The following TUSC3 variants were observed in gnomAD, a reference collection of about 807,000 sequenced individuals.
TUSC3 encodes tumor suppressor candidate 3.
A neutral mutation model predicts 44.8 loss-of-function variants in TUSC3; 45 were observed. That is an observed-to-expected ratio of 1.00 (90% CI 0.79 to 1.29). The LOEUF is 1.29. TUSC3 is among the 50% of genes most tolerant of loss of function. The pLI, the probability that TUSC3 is intolerant of heterozygous loss-of-function variation, is 0.00. For synonymous variants in TUSC3, 212 were observed against 152.9 expected (o/e 1.39, Z -2.85); for missense variants, 519 against 437.9 (o/e 1.19, Z -1.65).
chr8:15,451,125 A>C (rs1800193055), intron 1 of TUSC3, among the ~76,000 whole-genome samples: 1 of 152,222 alleles, frequency 6.6e-6, no homozygotes, highest in Admixed American at 6.5e-5. Flanking sequence ...GGGAAGCTAG[A>C]GGATCAAGTA....
At chr8:15,818,007 T>C in the TUSC3 span, among the ~76,000 whole-genome samples, 2 of 152,056 alleles carry the variant, frequency 1.3e-5, no homozygotes, top group African/African-American at 4.8e-5. Flanking sequence ...GAGACTGTGA[T>C]GAAGGAGAGA....
At chr8:15,675,442 T>G (rs1808142741) in intron 6 of TUSC3, among the ~76,000 whole-genome samples, 1 of 152,084 alleles carries the variant, frequency 6.6e-6, no homozygotes, top group Non-Finnish European at 1.5e-5. Flanking sequence ...CAGACTTTTT[T>G]TTTTCTTTGG....
rs148888410 is a variant in TUSC3 at position 15,588,727 on chromosome 8, G to A, written c.139-34353G>A. ...GTCATTATATTTTGAGTTAATTTTT[G>A]TATATGGTGAGAGACAGGGTCCAGT... On this transcript the variant is annotated intron_variant, in intron 1 of 10. Transcript: ENST00000503731. 3.6e-4 allele frequency among the ~76,000 whole-genome samples: 55 copies of A among 152,184 alleles called. 1 individual carries two copies. The highest frequency in any genetic ancestry group is 1.3e-3 in the African/African-American group (52 of 41,534).
chr8:15,628,566 G>A (rs550481674), intron 2 of TUSC3, among the ~76,000 whole-genome samples: 1 of 152,260 alleles, frequency 6.6e-6, no homozygotes, highest in South Asian at 2.1e-4. Context: ...AGTTAGAGAA[G>A]AAAGAACAGG....
At chr8:15,745,166 A>C (rs1007498433) in intron 8 of TUSC3, among the ~76,000 whole-genome samples, 1 of 151,148 alleles carries the variant, frequency 6.6e-6, no homozygotes, top group Non-Finnish European at 1.5e-5. Context: ...TACATACCAC[A>C]TTTTCTTTAT....
intron 6 of TUSC3, among the ~76,000 whole-genome samples, chr8:15,724,123 G>C (rs1019932284): frequency 6.6e-6 from 1 of 152,084 alleles, no homozygotes; most frequent in Non-Finnish European, 1.5e-5. Context: ...ACCTATCTCT[G>C]TCTGCTCACA....
intron 1 of TUSC3, among the ~76,000 whole-genome samples, chr8:15,426,531 A>C (rs954872684): frequency 2.0e-5 from 3 of 152,232 alleles, no homozygotes; most frequent in Admixed American, 2.0e-4. Context: ...TTCACTAAGC[A>C]TAATGTCCTC....
At position 15,668,412 on chromosome 8, in the gene TUSC3, T is replaced by C. The variant is rs57809698; in HGVS notation, c.709-5335T>C. Reference sequence around the variant, plus strand: ...CTATGTTTGTTCATGTTTATTCATTTGTTGACCATTCAACAAGAGTTTGAA... The same window carrying C: ...CTATGTTTGTTCATGTTTATTCATTCGTTGACCATTCAACAAGAGTTTGAA... On this transcript the variant is annotated intron_variant, in intron 5 of 10. Coordinates refer to ENST00000503731, the MANE Select transcript of TUSC3 (RefSeq NM_006765.4). Among the ~76,000 whole-genome samples the C allele has an allele frequency of 8.3e-3, 1,260 of 151,880 alleles. 14 individuals carry two copies. The highest frequency in any genetic ancestry group is 0.029 in the African/African-American group (1,183 of 41,500).
chr8:15,753,964 A>G (rs1027868775), intron 9 of TUSC3, among the ~76,000 whole-genome samples: 3 of 152,142 alleles, frequency 2.0e-5, no homozygotes, highest in Non-Finnish European at 2.9e-5. Context: ...AAGGTGAGAT[A>G]CTGATAAAGA....
At chr8:15,556,932 A>C (rs1478213751) in intron 1 of TUSC3, among the ~76,000 whole-genome samples, 2 of 148,992 alleles carry the variant, frequency 1.3e-5, no homozygotes, top group Non-Finnish European at 3.0e-5. Context: ...AGGTTGTGAA[A>C]ATTTTCTCCC....
intron 1 of TUSC3, among the ~76,000 whole-genome samples, chr8:15,606,659 A>C (rs895205474): frequency 3.3e-5 from 5 of 152,076 alleles, no homozygotes; most frequent in Admixed American, 6.6e-5. Context: ...CTGTAGGCAT[A>C]AATATTATAT....
chr8:15,831,769 A>G, the TUSC3 span, among the ~76,000 whole-genome samples: 1 of 152,168 alleles, frequency 6.6e-6, no homozygotes, highest in Non-Finnish European at 1.5e-5. Context: ...GGACAAACAA[A>G]ATCTACAAGA....
At chr8:15,459,879 C>CGTGTGT (rs1800321085) in intron 1 of TUSC3, among the ~76,000 whole-genome samples, 3 of 139,982 alleles carry the variant, frequency 2.1e-5, no homozygotes, top group African/African-American at 6.1e-5. Context: ...TGTGTGTATA[C>CGTGTGT]ATACATACAT....
At chr8:15,530,785 G>A (rs1326844255) in intron 2 of TUSC3, among the ~76,000 whole-genome samples, 1 of 152,100 alleles carries the variant, frequency 6.6e-6, no homozygotes, top group East Asian at 1.9e-4. Flanking sequence ...TATATGTATT[G>A]TTTTATTTCA....
intron 1 of TUSC3, among the ~76,000 whole-genome samples, chr8:15,548,143 A>G (rs1235407108): frequency 6.6e-6 from 1 of 151,450 alleles, no homozygotes; most frequent in Non-Finnish European, 1.5e-5. Flanking sequence ...GTTGCCCCCT[A>G]GTTTATGGTA....
At chr8:15,489,079 C>G (rs1196533880) in intron 2 of TUSC3, among the ~76,000 whole-genome samples, 1 of 152,122 alleles carries the variant, frequency 6.6e-6, no homozygotes, top group Non-Finnish European at 1.5e-5. Context: ...AGGGCAGAGT[C>G]TCAAGAGGTC....
At chr8:15,523,607 C>T (rs77927886) in intron 2 of TUSC3, among the ~76,000 whole-genome samples, 2 of 146,738 alleles carry the variant, frequency 1.4e-5, no homozygotes, top group African/African-American at 5.1e-5. Flanking sequence ...TATTTCACTT[C>T]CCAAATAATT....
intron 1 of TUSC3, among the ~76,000 whole-genome samples, chr8:15,418,771 C>T (rs544941948): frequency 4.6e-5 from 7 of 152,174 alleles, no homozygotes; most frequent in Admixed American, 4.6e-4. Flanking sequence ...TTTGGGAGGC[C>T]AAGGCAGGAG....
chr8:15,680,646 G>A (rs1055256138), intron 6 of TUSC3, among the ~76,000 whole-genome samples: 1 of 152,084 alleles, frequency 6.6e-6, no homozygotes, highest in East Asian at 1.9e-4. Flanking sequence ...GTAGAGAGTG[G>A]ACATCCTTGT....
Sources: allele counts gnomAD v4.1 joint callset (sites outside exome capture counted in the v4.1 genomes callset), GRCh38; gene constraint gnomAD v4.1.1; transcripts MANE v1.5; gene names NCBI Gene and HGNC (gene_info 2026-07-23, HGNC 2026-07-21).